The following MYO7B variants were observed in gnomAD, a reference collection of about 807,000 sequenced individuals.
The protein encoded by MYO7B is unconventional myosin-VIIb.
MYO7B carries 212 observed loss-of-function variants against 259.7 expected under a neutral mutation model. The observed-to-expected ratio is 0.82, with a 90% CI of 0.73 to 0.91. The LOEUF is 0.91. Among genes scored for constraint, MYO7B ranks in the 40% least tolerant of loss-of-function variants. MYO7B has a pLI of 0.00. For missense variants in MYO7B, 2,732 were observed against 2,813.5 expected (o/e 0.97, Z 0.66); for synonymous variants, 1,197 against 1,166.4 (o/e 1.03, Z -0.54).
intron 7 of MYO7B, among the ~76,000 whole-genome samples, chr2:127,574,503 G>A (rs1454587001): frequency 2.0e-5 from 3 of 152,238 alleles, no homozygotes; most frequent in African/African-American, 7.2e-5. Context: ...TTGCACCACT[G>A]CACTCCAGCC....
chr2:127,626,790 A>G, intron 31 of MYO7B, 185 bp from the exon 32 acceptor site: 1 of 577,700 alleles, frequency 1.7e-6, no homozygotes, highest in Non-Finnish European at 3.1e-6. Context: ...AAAAAGAAAA[A>G]AAAAGGATAG....
intron 6 of MYO7B, 32 bp downstream of exon 6, chr2:127,569,942 C>G (rs374674171): frequency 1.9e-5 from 30 of 1,594,734 alleles, no homozygotes; most frequent in East Asian, 1.6e-4. Flanking sequence ...GCCCTTCTCC[C>G]CCAGCCCCCC....
intron 19 of MYO7B, among the ~76,000 whole-genome samples, chr2:127,603,520 G>A (rs1172417972): frequency 6.6e-6 from 1 of 152,140 alleles, no homozygotes; most frequent in Non-Finnish European, 1.5e-5. Flanking sequence ...CTTTTTTTCT[G>A]AGCAGTAGGT....
chr2:127,633,499 C>A, intron 40 of MYO7B, 136 bp downstream of exon 40: 1 of 825,254 alleles, frequency 1.2e-6, no homozygotes. Context: ...ACCAGTCTCC[C>A]GCCCTCTCCC....
At chr2:127,543,454 G>A (rs938912442) in intron 1 of MYO7B, among the ~76,000 whole-genome samples, 4 of 152,060 alleles carry the variant, frequency 2.6e-5, no homozygotes, top group Admixed American at 2.0e-4. Flanking sequence ...CAAGGTAGAA[G>A]AATTTTTCTT....
chr2:127,569,416 T>G (rs1678492299), intron 5 of MYO7B, among the ~76,000 whole-genome samples: 1 of 152,132 alleles, frequency 6.6e-6, no homozygotes, highest in South Asian at 2.1e-4. Flanking sequence ...CTGTGTGACC[T>G]GGGCATCTGC....
In MYO7B at chr2:127,576,594, G is replaced by A; in HGVS notation, c.736-1G>A. ...TCTGGAATGCCCTCCCTCCCTCCCAGGCTCCCGAGGAGCGGAACTACCATA... is the reference window on the plus strand; with the variant it reads ...TCTGGAATGCCCTCCCTCCCTCCCAAGCTCCCGAGGAGCGGAACTACCATA... On this transcript the variant is annotated splice_acceptor_variant, in intron 7 of 47. Coordinates refer to ENST00000409816, the MANE Select transcript of MYO7B (RefSeq NM_001393586.1). LOFTEE classifies it high-confidence loss of function. The surrounding 1 kb of genome is among the most constrained non-coding windows in gnomAD (Gnocchi z 4.9). The A allele has an allele frequency of 6.5e-7, 1 of 1,530,570 alleles. No homozygotes were observed. Among genetic ancestry groups the A allele is most frequent in the Non-Finnish European group, 9.0e-7 (1 of 1,111,208 alleles). The allele number at this position is 1,530,570 out of a possible 1,614,324, so 94.8% of individuals were successfully genotyped here. A position where few individuals can be genotyped will look rare whatever the true frequency, so the allele number is the denominator to read the frequency against.
At position 127,605,881 on chromosome 2, in the gene MYO7B, C is replaced by T; in HGVS notation, c.2377C>T (p.Leu793=). The change falls in exon 20 of 48, where the codon CTG becomes TTG. Residue 793 remains leucine (L), a synonymous_variant. Coordinates refer to ENST00000409816, the MANE Select transcript of MYO7B (RefSeq NM_001393586.1). ...GAGGCAGAGGCGGGCAGCTGTGACC[C>T]TGCAGGCCTGGTGGAGAGGCTACTG... ...FLRQRRAAVT[L]QAWWRGYCNR... 6.2e-7 allele frequency: 1 copy of T among 1,613,772 alleles called. No homozygotes were observed. Among genetic ancestry groups the T allele is most frequent in the South Asian group, 1.1e-5 (1 of 91,044 alleles).
In MYO7B at chr2:127,613,570, T is replaced by A. The variant is rs562524238; in HGVS notation, c.3398+967T>A. Among the ~76,000 whole-genome samples, 7 of 152,386 alleles carry A rather than the reference T, an allele frequency of 4.6e-5. No homozygotes were observed. In the East Asian group the frequency reaches 1.3e-3, roughly 29 times the overall value. ...CATCTCACGGTCAGTCTCTATTAAC[T>A]GTCTTTTCTCTTGAGGATGGTGGTG... is the stretch of plus-strand genomic sequence containing the variant. On this transcript the variant is annotated intron_variant, in intron 26 of 47. Coordinates refer to ENST00000409816, the MANE Select transcript of MYO7B (RefSeq NM_001393586.1). This position sits in a 1 kb window ranked among gnomAD's most constrained non-coding sequence, Gnocchi z 4.3.
At chr2:127,555,061 C>T (rs2104831300) in intron 1 of MYO7B, among the ~76,000 whole-genome samples, 1 of 152,076 alleles carries the variant, frequency 6.6e-6, no homozygotes, top group South Asian at 2.1e-4. Context: ...CAATTCTCTG[C>T]CTCAGCCTCC....
Position 127,609,451 on chromosome 2 carries a change from G to T in MYO7B, c.2815-55G>T. Reference sequence around the variant, plus strand: ...CGGCCTGCTGGACAGTCAGCTGATGGGTTGGTTGTTACCTGAAAGCCCTGC... The same window carrying T: ...CGGCCTGCTGGACAGTCAGCTGATGTGTTGGTTGTTACCTGAAAGCCCTGC... On this transcript the variant is annotated intron_variant, in intron 22 of 47. Coordinates refer to ENST00000409816, the MANE Select transcript of MYO7B (RefSeq NM_001393586.1). The surrounding 1 kb of genome is among the most constrained non-coding windows in gnomAD (Gnocchi z 6.9). The T allele has an allele frequency of 6.6e-7, 1 of 1,511,368 alleles. No homozygotes were observed. The highest frequency in any genetic ancestry group is 9.0e-7 in the Non-Finnish European group (1 of 1,106,630). 93.6% of individuals were successfully genotyped at this position (1,511,368 alleles called of 1,614,324 possible). A position where few individuals can be genotyped will look rare whatever the true frequency, so the allele number is the denominator to read the frequency against.
intron 9 of MYO7B, among the ~76,000 whole-genome samples, chr2:127,578,586 A>G (rs1402787035): frequency 6.6e-6 from 1 of 152,146 alleles, no homozygotes; most frequent in Non-Finnish European, 1.5e-5. Flanking sequence ...CCACGTGTGA[A>G]CTTGCAAACC....
At chr2:127,618,256 G>A (rs1261513710) in intron 26 of MYO7B, among the ~76,000 whole-genome samples, 2 of 152,294 alleles carry the variant, frequency 1.3e-5, no homozygotes, top group Admixed American at 6.5e-5. Context: ...GAGACGGAAC[G>A]AAGGGGGATG....
At chr2:127,620,256 C>T in intron 26 of MYO7B, 84 bp from the exon 27 acceptor site, 7 of 1,504,212 alleles carry the variant, frequency 4.7e-6, no homozygotes, top group Non-Finnish European at 6.3e-6. Context: ...CTCAGAGGTG[C>T]ACAAGAGCTG....
In MYO7B at chr2:127,624,417, TG is replaced by T. The variant is rs1034524244; in HGVS notation, c.4047+104del. Reference sequence around the variant, plus strand: ...CTGGCTTCTGAGGCCAGGTAGAAGGTGGGGGGGCAGGAAAGGGGGTCACAAG... The same window carrying T: ...CTGGCTTCTGAGGCCAGGTAGAAGGTGGGGGGCAGGAAAGGGGGTCACAAG... On this transcript the variant is annotated intron_variant, in intron 30 of 47. Coordinates refer to ENST00000409816, the MANE Select transcript of MYO7B (RefSeq NM_001393586.1). 2.2e-5 allele frequency: 23 copies of T among 1,032,684 alleles called. No individual in the cohort carries two copies. In the East Asian group the frequency reaches 3.5e-4, roughly 16 times the overall value. The allele number at this position is 1,032,684 out of a possible 1,614,324, so 64.0% of individuals were successfully genotyped here. A position where few individuals can be genotyped will look rare whatever the true frequency, so the allele number is the denominator to read the frequency against.
chr2:127,564,266 G>C lies in MYO7B; in HGVS notation c.132G>C (p.Lys44Asn). The change falls in exon 3 of 48, where the codon AAG becomes AAC. Residue 44 changes from lysine to asparagine, a missense_variant and splice_region_variant. Around this residue, in one of 3 missense-constraint regions of MYO7B, gnomAD observed 1,906 missense variants for 2,026.4 expected, o/e 0.94. Coordinates refer to ENST00000409816, the MANE Select transcript of MYO7B (RefSeq NM_001393586.1). ...GKVLVEDDEGKEHWIRAEDFG... is the reference protein window; with the variant it reads ...GKVLVEDDEGNEHWIRAEDFG... ...TCTTGGTTGAAGATGACGAGGGCAA[G>C]GTCAGTGTTCTGGGGTTTCCTCTGG... 6.4e-7 allele frequency: 1 copy of C among 1,564,408 alleles called. No homozygotes were observed. Among genetic ancestry groups the C allele is most frequent in the South Asian group, 1.2e-5 (1 of 84,832 alleles).
rs1230752486 is a variant in MYO7B at position 127,580,672 on chromosome 2, C to A, written c.1004-74C>A. On this transcript the variant is annotated intron_variant, in intron 9 of 47. Transcript: ENST00000409816. ...TGAGTGGATCTGGGGCTGCCAAGGG[C>A]CCGGGCCAGTCGGGACCTTGCTCCC... 18 of 1,437,568 alleles carry A rather than the reference C, an allele frequency of 1.3e-5. No individual in the cohort carries two copies. In the Admixed American group the frequency reaches 3.3e-4, roughly 27 times the overall value. The allele number at this position is 1,437,568 out of a possible 1,614,324, so 89.1% of individuals were successfully genotyped here.
At chr2:127,604,464 A>AG (rs1680087780) in intron 19 of MYO7B, among the ~76,000 whole-genome samples, 1 of 152,254 alleles carries the variant, frequency 6.6e-6, no homozygotes, top group Non-Finnish European at 1.5e-5. Flanking sequence ...ATCAGCAAGA[A>AG]GGCTGTTTCA....
At chr2:127,545,123 TTTTG>T (rs1204365757) in intron 1 of MYO7B, among the ~76,000 whole-genome samples, 1 of 152,210 alleles carries the variant, frequency 6.6e-6, no homozygotes, top group East Asian at 1.9e-4. Flanking sequence ...TTTGTTGAGT[TTTTG>T]TTTGTTTCCA....
Sources: gnomAD v4.1 joint callset for allele counts (sites outside exome capture counted in the v4.1 genomes callset) on GRCh38, gnomAD v4.1.1 for gene constraint, gnomAD v4.1.1 regional missense constraint, Gnocchi (gnomAD v3.1) non-coding constraint, MANE v1.5 for transcripts, NCBI Gene and HGNC (gene_info 2026-07-23, HGNC 2026-07-21) for gene names.